The following COL1A2 variants were observed in gnomAD, a reference collection of about 807,000 sequenced individuals.
The protein encoded by COL1A2 is collagen alpha-2(I) chain.
A neutral mutation model predicts 174.3 loss-of-function variants in COL1A2; 49 were observed. The ratio of observed to expected loss-of-function variants is 0.28; its 90% CI spans 0.22 to 0.36. The LOEUF (loss-of-function observed/expected upper bound fraction) is 0.36, where lower values mean the gene tolerates loss of function less well. Ranked by LOEUF, COL1A2 falls within the 10% of genes least tolerant of loss-of-function variation. The pLI is 1.00. For synonymous variants in COL1A2, 655 were observed against 606.6 expected (o/e 1.08, Z -1.17); for missense variants, 1,438 against 1,822.7 (o/e 0.79, Z 3.84).
intron 33 of COL1A2, among the ~76,000 whole-genome samples, chr7:94,418,864 A>C (rs1172189720): frequency 6.6e-6 from 1 of 151,756 alleles, no homozygotes; most frequent in African/African-American, 2.4e-5. Flanking sequence ...TTCAAGTGAT[A>C]ACAGAGATTA....
chr7:94,420,452 T>C lies in COL1A2; in HGVS notation c.2187+8T>C, dbSNP rs763816519. On this transcript the variant is annotated splice_region_variant and intron_variant, in intron 36 of 51. Transcript: ENST00000297268. ...GGATTTGCTGGTCCTGCTGTGAGTA[T>C]CACATAATGAAGATTAATCTGAAAA... is the stretch of plus-strand genomic sequence containing the variant. 4.3e-6 allele frequency: 7 copies of C among 1,614,046 alleles called. No individual in the cohort carries two copies. The Admixed American group carries it at 8.3e-5, about 19-fold the overall frequency.
intron 51 of COL1A2, 90 bp downstream of exon 51, chr7:94,429,520 G>A (rs1792357637): frequency 7.0e-7 from 1 of 1,420,084 alleles, no homozygotes. Context: ...GTCTAAAGGG[G>A]GGTTAAAAGA....
chr7:94,423,201 A>G, intron 40 of COL1A2, 83 bp downstream of exon 40: 1 of 1,513,960 alleles, frequency 6.6e-7, no homozygotes, highest in Non-Finnish European at 9.2e-7. Flanking sequence ...AGTGGCATCT[A>G]TTTGTTGATG....
chr7:94,429,276 A>G lies in COL1A2; in HGVS notation c.3800A>G (p.Asn1267Ser). Residue 1267 changes from asparagine to serine, a missense_variant, in exon 51 of 52, where the codon AAC becomes AGC. By Grantham distance (46) the Asn-to-Ser change is conservative. Around this residue, in one of 3 missense-constraint regions of COL1A2, gnomAD observed 290 missense variants for 298.1 expected, o/e 0.97. Transcript: ENST00000297268. ...CTGCTGGCCAACTATGCCTCTCAGA[A>G]CATCACCTACCACTGCAAGAACAGC... ...MRLLANYASQ[N>S]ITYHCKNSIA... is the part of the protein sequence containing the mutation. The G allele has an allele frequency of 6.2e-7, 1 of 1,614,066 alleles. No homozygotes were observed. The highest frequency in any genetic ancestry group is 8.5e-7 in the Non-Finnish European group (1 of 1,180,006).
rs369434464 is a variant in COL1A2, at chr7:94,427,046, T to C, written c.3144T>C (p.Gly1048=). ...HGDQGAPGSV[G]PAGPRGPAGP... ...ATCAAGGTGCTCCTGGCTCCGTGGGTCCTGCTGGTCCTAGGGTAGGTGGAC... is the reference window on the plus strand; with the variant it reads ...ATCAAGGTGCTCCTGGCTCCGTGGGCCCTGCTGGTCCTAGGGTAGGTGGAC... Residue 1048 remains glycine, a synonymous_variant, in exon 47 of 52, where the codon GGT becomes GGC. Transcript: ENST00000297268. 240 of 1,613,914 alleles carry C rather than the reference T, an allele frequency of 1.5e-4. No homozygotes were observed. The highest frequency in any genetic ancestry group is 6.0e-4 in the East Asian group (27 of 44,888).
intron 50 of COL1A2, 90 bp from the exon 51 acceptor site, chr7:94,429,098 C>CTTT (rs11374490): frequency 8.0e-5 from 74 of 927,014 alleles, no homozygotes; most frequent in South Asian, 2.4e-4. Flanking sequence ...TTCCTGAGAT[C>CTTT]TTTTTTTTTC....
intron 42 of COL1A2, 120 bp downstream of exon 42, chr7:94,425,344 T>G: frequency 1.0e-6 from 1 of 978,758 alleles, no homozygotes. Flanking sequence ...AGCTTCTCCA[T>G]AGTATCTACA....
At chr7:94,411,025 CTCTA>C (rs745666253) in intron 22 of COL1A2, 27 bp from the exon 23 acceptor site, 146 of 1,593,324 alleles carry the variant, frequency 9.2e-5, no homozygotes, top group Non-Finnish European at 1.2e-4. Context: ...CATCCTCCTC[CTCTA>C]TCTGTTTTTT....
rs756259103 is a variant in COL1A2, at chr7:94,429,188, T to C, written c.3712T>C (p.Phe1238Leu). 6.2e-7 allele frequency: 1 copy of C among 1,611,826 alleles called. No homozygotes were observed. The highest frequency in any genetic ancestry group is 1.1e-5 in the South Asian group (1 of 90,976). ...TGGAATTTCATCCTATTTTCTGTAG[T>C]TTGAATATAATGTAGAAGGAGTGAC... ...LGETINAGSQ[F>L]EYNVEGVTSK... The change falls in exon 51 of 52, where the codon TTT becomes CTT. Residue 1238 changes from phenylalanine (F) to leucine (L), a missense_variant and splice_region_variant. This residue lies in a region of COL1A2 where 290 missense variants were observed against 298.1 expected (regional missense o/e 0.97). Transcript: ENST00000297268.
chr7:94,401,532 T>C (rs778285079), intron 5 of COL1A2, 35 bp from the exon 6 acceptor site: 3 of 999,900 alleles, frequency 3.0e-6, no homozygotes, highest in Non-Finnish European at 3.9e-6. Context: ...AAATATTTTA[T>C]ATATATATAT....
At chr7:94,397,078 A>G (rs1036263516) in intron 1 of COL1A2, among the ~76,000 whole-genome samples, 1 of 152,192 alleles carries the variant, frequency 6.6e-6, no homozygotes, top group Non-Finnish European at 1.5e-5. Context: ...CAAAAATGAT[A>G]CATATTGGTA....
intron 51 of COL1A2, 87 bp downstream of exon 51, chr7:94,429,517 G>T (rs544020001): frequency 4.1e-6 from 6 of 1,466,232 alleles, no homozygotes; most frequent in Non-Finnish European, 4.7e-6. Context: ...GGGGTCTAAA[G>T]GGGGGTTAAA....
rs138451009 is a variant in COL1A2 at position 94,430,312 on chromosome 7, C to G, written c.4020C>G (p.Pro1340=). ...AAACAAATAAGCCATCACGCCTGCC[C>G]TTCCTTGATATTGCACCTTTGGACA... The part of the protein sequence containing the change: ...EYKTNKPSRL[P]FLDIAPLDIG... The change falls in exon 52 of 52, where the codon CCC becomes CCG. Residue 1340 remains proline (P), a synonymous_variant. Coordinates refer to ENST00000297268, the MANE Select transcript of COL1A2 (RefSeq NM_000089.4). 1 of 1,614,070 alleles carries G rather than the reference C, an allele frequency of 6.2e-7. No individual in the cohort carries two copies. The highest frequency in any genetic ancestry group is 8.5e-7 in the Non-Finnish European group (1 of 1,179,954).
chr7:94,427,353 C>G, intron 48 of COL1A2, 58 bp downstream of exon 48: 1 of 1,468,448 alleles, frequency 6.8e-7, no homozygotes, highest in Non-Finnish European at 9.3e-7. Flanking sequence ...ATGTTTTCTT[C>G]AGACTAAACC....
rs145811699 is a variant in COL1A2 at position 94,424,707 on chromosome 7, G to A, written c.2673+264G>A. ...TAGGAATGATACAATCTCTAATTGC[G>A]TTTACTCCTCTGCAATATGAAATGC... On this transcript the variant is annotated intron_variant, in intron 41 of 51. Transcript: ENST00000297268. 1,041 of 496,454 alleles carry A rather than the reference G, an allele frequency of 2.1e-3. 9 individuals carry two copies. Among genetic ancestry groups the A allele is most frequent in the African/African-American group, 0.01 (541 of 51,684 alleles). The allele number at this position is 496,454 out of a possible 1,614,324, so 30.8% of individuals were successfully genotyped here.
chr7:94,420,133 A>G, intron 34 of COL1A2, 100 bp from the exon 35 acceptor site: 1 of 1,474,784 alleles, frequency 6.8e-7, no homozygotes, highest in Non-Finnish European at 9.5e-7. Flanking sequence ...TTCCAAGGCA[A>G]CTACAGACTC....
At chr7:94,399,197 C>A in intron 4 of COL1A2, 113 bp downstream of exon 4, 5 of 926,170 alleles carry the variant, frequency 5.4e-6, no homozygotes, top group Non-Finnish European at 7.0e-6. Context: ...TAATTGTACA[C>A]CCCTTTAAAC....
chr7:94,430,096 C>T, intron 51 of COL1A2, 151 bp from the exon 52 acceptor site: 1 of 774,960 alleles, frequency 1.3e-6, no homozygotes. Context: ...ACCCTTGATA[C>T]TGTTATTTCA....
At chr7:94,404,472 C>G in intron 6 of COL1A2, 84 bp from the exon 7 acceptor site, 2 of 1,416,214 alleles carry the variant, frequency 1.4e-6, no homozygotes, top group Non-Finnish European at 2.0e-6. Context: ...AACAATGGCA[C>G]TGCTAAGTTG....
Sources: gnomAD v4.1 joint callset for allele counts (sites outside exome capture counted in the v4.1 genomes callset) on GRCh38, gnomAD v4.1.1 for gene constraint, gnomAD v4.1.1 regional missense constraint, MANE v1.5 for transcripts, NCBI Gene and HGNC (gene_info 2026-07-23, HGNC 2026-07-21) for gene names.